The following CTXND1 variants were observed in gnomAD, a reference collection of about 807,000 sequenced individuals.
CTXND1 encodes the protein cortexin domain-containing 1 protein.
chr15:80,229,863 TCAAA>T (rs144610487), intron 1 of CTXND1, among the ~76,000 whole-genome samples: 2,561 of 152,258 alleles, frequency 0.017, 38 homozygotes, highest in Middle Eastern at 0.027. Flanking sequence ...TATGTTGGCC[TCAAA>T]CAGAGAGAGA....
At chr15:80,223,102 GA>G (rs1422407309) in intron 1 of CTXND1, among the ~76,000 whole-genome samples, 9 of 152,128 alleles carry the variant, frequency 5.9e-5, no homozygotes, top group African/African-American at 1.9e-4. Context: ...TTTTGAGACA[GA>G]GTTTTGCTCT....
chr15:80,199,258 A>C lies in CTXND1; in HGVS notation c.*2512T>G, dbSNP rs1865996. 1 of 151,966 alleles carries C rather than the reference A, an allele frequency of 6.6e-6. No homozygotes were observed. The highest frequency in any genetic ancestry group is 1.5e-5 in the Non-Finnish European group (1 of 67,978). 9.4% of individuals were successfully genotyped at this position (151,966 alleles called of 1,614,324 possible). On this transcript the variant is annotated 3_prime_UTR_variant, in exon 3 of 3. Coordinates refer to ENST00000560778, the MANE Select transcript of CTXND1 (RefSeq NM_001352888.2). ...AAACCACCTAGCGAATCTTGCTAATATACATTCTGTACGTAGGTCTGGAGG... is the reference window on the plus strand; with the variant it reads ...AAACCACCTAGCGAATCTTGCTAATCTACATTCTGTACGTAGGTCTGGAGG...
At chr15:80,249,307 T>A (rs1893667922) in intron 1 of CTXND1, among the ~76,000 whole-genome samples, 1 of 152,166 alleles carries the variant, frequency 6.6e-6, no homozygotes, top group Non-Finnish European at 1.5e-5. Flanking sequence ...CACGCCATCC[T>A]AAGGACAGGG....
intron 1 of CTXND1, among the ~76,000 whole-genome samples, chr15:80,248,269 C>T (rs1415397576): frequency 6.6e-6 from 1 of 152,194 alleles, no homozygotes; most frequent in Admixed American, 6.5e-5. Context: ...CCTGTTCCCT[C>T]AGGCCTAGTA....
chr15:80,236,211 G>A (rs1026451929), intron 1 of CTXND1, among the ~76,000 whole-genome samples: 4 of 151,794 alleles, frequency 2.6e-5, no homozygotes, highest in Non-Finnish European at 4.4e-5. Context: ...CCCGCTGCTC[G>A]TTTCTGTACA....
At chr15:80,204,895 G>C (rs1232055188) in intron 1 of CTXND1, among the ~76,000 whole-genome samples, 1 of 152,024 alleles carries the variant, frequency 6.6e-6, no homozygotes, top group African/African-American at 2.4e-5. Flanking sequence ...GTAATTAATA[G>C]TTGTACACTT....
intron 1 of CTXND1, among the ~76,000 whole-genome samples, chr15:80,242,113 T>G (rs991443379): frequency 2.0e-5 from 3 of 152,174 alleles, no homozygotes; most frequent in Admixed American, 2.0e-4. Flanking sequence ...TTCTATGTTA[T>G]GTAGGTTGAG....
intron 1 of CTXND1, among the ~76,000 whole-genome samples, chr15:80,216,652 T>C (rs1893256928): frequency 6.6e-6 from 1 of 152,268 alleles, no homozygotes; most frequent in South Asian, 2.1e-4. Flanking sequence ...GCTCTGTTGC[T>C]CTCCCAGGCT....
intron 1 of CTXND1, among the ~76,000 whole-genome samples, chr15:80,251,249 ACT>A (rs1209311984): frequency 6.6e-6 from 1 of 151,940 alleles, no homozygotes; most frequent in African/African-American, 2.4e-5. Flanking sequence ...GGGCACGGAG[ACT>A]CTTACCAAAT....
At chr15:80,232,712 C>A (rs1893444875) in intron 1 of CTXND1, among the ~76,000 whole-genome samples, 1 of 152,208 alleles carries the variant, frequency 6.6e-6, no homozygotes, top group African/African-American at 2.4e-5. Flanking sequence ...AAAGCACCAG[C>A]AGGTAGTTTC....
intron 1 of CTXND1, among the ~76,000 whole-genome samples, chr15:80,209,216 T>C (rs1326179942): frequency 6.6e-6 from 1 of 152,224 alleles, no homozygotes; most frequent in Non-Finnish European, 1.5e-5. Context: ...AAAAACCAGA[T>C]TTGCTTTTCT....
intron 1 of CTXND1, among the ~76,000 whole-genome samples, chr15:80,241,757 C>G (rs1893570576): frequency 6.6e-6 from 1 of 152,320 alleles, no homozygotes; most frequent in Non-Finnish European, 1.5e-5. Flanking sequence ...TTGGGGGAAA[C>G]AGCTGCTCGT....
chr15:80,218,868 A>C (rs1306131524), intron 1 of CTXND1, among the ~76,000 whole-genome samples: 1 of 151,714 alleles, frequency 6.6e-6, no homozygotes, highest in African/African-American at 2.4e-5. Flanking sequence ...ATTCCTATGC[A>C]TATTTTTATA....
chr15:80,217,110 T>G (rs1333095133), intron 1 of CTXND1, among the ~76,000 whole-genome samples: 1 of 152,254 alleles, frequency 6.6e-6, no homozygotes, highest in East Asian at 1.9e-4. Flanking sequence ...TAGGCTCTAG[T>G]GCCAGGACAC....
chr15:80,249,988 CCATGT>C (rs1893675931), intron 1 of CTXND1, among the ~76,000 whole-genome samples: 1 of 152,182 alleles, frequency 6.6e-6, no homozygotes, highest in Admixed American at 6.5e-5. Flanking sequence ...AGTCTAGGAA[CCATGT>C]CAGTTTTATA....
chr15:80,249,869 G>A (rs1189918691), intron 1 of CTXND1, among the ~76,000 whole-genome samples: 10 of 152,138 alleles, frequency 6.6e-5, no homozygotes, highest in Admixed American at 5.9e-4. Flanking sequence ...GCAAACTTAA[G>A]CTATCTAAAA....
intron 1 of CTXND1, among the ~76,000 whole-genome samples, chr15:80,208,028 T>C (rs150421165): frequency 6.5e-4 from 99 of 152,354 alleles, no homozygotes; most frequent in Non-Finnish European, 1.0e-3. Context: ...ACATTGGCCA[T>C]TCATTAATAG....
At chr15:80,222,100 T>G (rs8042011) in intron 1 of CTXND1, among the ~76,000 whole-genome samples, 2,155 of 152,306 alleles carry the variant, frequency 0.014, 35 homozygotes, top group African/African-American at 0.038. Flanking sequence ...ATATATTCAT[T>G]AAATCAAGAT....
chr15:80,230,550 CT>C (rs1383776296), intron 1 of CTXND1, among the ~76,000 whole-genome samples: 4 of 152,062 alleles, frequency 2.6e-5, no homozygotes, highest in African/African-American at 7.2e-5. Context: ...CCATCCTTAT[CT>C]TTATTATTTC....
Sources: allele counts gnomAD v4.1 joint callset (sites outside exome capture counted in the v4.1 genomes callset), GRCh38; gene constraint gnomAD v4.1.1; transcripts MANE v1.5; gene names NCBI Gene and HGNC (gene_info 2026-07-23, HGNC 2026-07-21).